MYO3B: variants seen among roughly 807,000 people sequenced by gnomAD.
MYO3B encodes the protein myosin IIIB.
A neutral mutation model predicts 174.6 loss-of-function variants in MYO3B; 156 were observed. That is an observed-to-expected ratio of 0.89 (90% CI 0.78 to 1.02). The LOEUF is 1.02. Among genes scored for constraint, MYO3B ranks in the 50% least tolerant of loss-of-function variants. MYO3B has a pLI of 0.00. For missense variants in MYO3B, 1,632 were observed against 1,639.4 expected, an observed-to-expected ratio of 1.00 and a Z score of 0.08; for synonymous variants, 563 against 569.1, an observed-to-expected ratio of 0.99 and a Z score of 0.15.
intron 30 of MYO3B, among the ~76,000 whole-genome samples, chr2:170,537,805 A>C (rs1689820276): frequency 6.6e-6 from 1 of 152,188 alleles, no homozygotes; most frequent in Non-Finnish European, 1.5e-5. Flanking sequence ...TTACTTGGCT[A>C]TGCTGATTGC....
chr2:170,388,463 A>T (rs2094391149), intron 14 of MYO3B, among the ~76,000 whole-genome samples: 1 of 152,140 alleles, frequency 6.6e-6, no homozygotes, highest in Non-Finnish European at 1.5e-5. Flanking sequence ...GACCAGAGCA[A>T]GGAGGAAAAG....
intron 32 of MYO3B, among the ~76,000 whole-genome samples, chr2:170,594,837 A>G (rs1694042876): frequency 7.8e-6 from 1 of 128,168 alleles, no homozygotes; most frequent in African/African-American, 4.4e-5. Context: ...GCACACACAC[A>G]CACACACACA....
chr2:170,636,957 C>CGTGTGT (rs3047156), intron 32 of MYO3B, among the ~76,000 whole-genome samples: 18,340 of 146,544 alleles, frequency 0.13, 1,227 homozygotes, highest in Admixed American at 0.17. Context: ...TGCTTTTGTG[C>CGTGTGT]GTGTGTGTGT....
chr2:170,197,111 G>C (rs1574560777), intron 1 of MYO3B, among the ~76,000 whole-genome samples: 2 of 151,708 alleles, frequency 1.3e-5, no homozygotes, highest in East Asian at 3.9e-4. Context: ...CAGAGCAAGA[G>C]GACAGCTTCA....
chr2:170,579,300 C>T (rs12475237), intron 32 of MYO3B, among the ~76,000 whole-genome samples: 55,279 of 150,876 alleles, frequency 0.37, 10,898 homozygotes, highest in Admixed American at 0.43. Flanking sequence ...ATATTATAAA[C>T]GAAATATAAT....
At chr2:170,606,950 G>T (rs1397458688) in intron 32 of MYO3B, among the ~76,000 whole-genome samples, 1 of 152,140 alleles carries the variant, frequency 6.6e-6, no homozygotes, top group Non-Finnish European at 1.5e-5. Context: ...AACCCAGGAG[G>T]CGGAGGTTGC....
At chr2:170,178,503 T>C (rs192411575) in intron 1 of MYO3B, among the ~76,000 whole-genome samples, 1 of 151,758 alleles carries the variant, frequency 6.6e-6, no homozygotes, top group Admixed American at 6.6e-5. Flanking sequence ...CTTGAAGGAG[T>C]AGGATAAACA....
intron 9 of MYO3B, among the ~76,000 whole-genome samples, chr2:170,371,990 G>T (rs1354620126): frequency 6.6e-6 from 1 of 150,564 alleles, no homozygotes; most frequent in Non-Finnish European, 1.5e-5. Flanking sequence ...AGCCGTGCAT[G>T]GTGGCACATG....
intron 32 of MYO3B, among the ~76,000 whole-genome samples, chr2:170,637,389 T>TC (rs1369977928): frequency 6.6e-6 from 1 of 152,040 alleles, no homozygotes; most frequent in Non-Finnish European, 1.5e-5. Context: ...GACAGGCTGG[T>TC]CTTAAACTCC....
At chr2:170,390,651 CA>C (rs1474467951) in intron 14 of MYO3B, among the ~76,000 whole-genome samples, 1 of 151,982 alleles carries the variant, frequency 6.6e-6, no homozygotes, top group Non-Finnish European at 1.5e-5. Flanking sequence ...CTAGGTTGAC[CA>C]AAGAAAAGAT....
intron 8 of MYO3B, chr2:170,338,143 A>T (rs1294081019): frequency 6.6e-6 from 1 of 152,206 alleles, no homozygotes; most frequent in Non-Finnish European, 1.5e-5. Flanking sequence ...ACTCATTCTG[A>T]GTTGCAAAAG....
chr2:170,250,479 G>T (rs993358540), intron 7 of MYO3B, among the ~76,000 whole-genome samples: 5 of 152,182 alleles, frequency 3.3e-5, no homozygotes, highest in Non-Finnish European at 7.3e-5. Context: ...TTTCTGTCCG[G>T]TTGCTGCTGC....
At position 170,404,248 on chromosome 2, in the gene MYO3B, T is replaced by G; in HGVS notation, c.2279T>G (p.Met760Arg). The G allele has an allele frequency of 6.2e-7, 1 of 1,601,234 alleles. No individual in the cohort carries two copies. The highest frequency in any genetic ancestry group is 1.3e-5 in the African/African-American group (1 of 74,576). Reference protein sequence around the residue: ...FNQHVFALEQMEYQNEGIDAV... With the variant: ...FNQHVFALEQREYQNEGIDAV... ...GAATCACAATCCATTTCCCTCCAGA[T>G]GGAATATCAGAATGAAGGCATTGAT... The change falls in exon 20 of 35, where the codon ATG becomes AGG. Residue 760 changes from methionine (M) to arginine (R), a missense_variant and splice_region_variant. Transcript: ENST00000408978.
At chr2:170,284,976 A>G (rs182753531) in intron 7 of MYO3B, among the ~76,000 whole-genome samples, 2 of 152,226 alleles carry the variant, frequency 1.3e-5, no homozygotes, top group African/African-American at 4.8e-5. Context: ...ATCCAATTGC[A>G]TCTTGCTTTT....
intron 32 of MYO3B, among the ~76,000 whole-genome samples, chr2:170,547,262 G>C (rs113341625): frequency 6.6e-6 from 1 of 151,296 alleles, no homozygotes; most frequent in Non-Finnish European, 1.5e-5. Flanking sequence ...CCTGGGAGGC[G>C]GAGCTTGCAG....
chr2:170,446,805 A>C (rs1006003954), intron 23 of MYO3B, among the ~76,000 whole-genome samples: 1 of 152,204 alleles, frequency 6.6e-6, no homozygotes, highest in African/African-American at 2.4e-5. Flanking sequence ...AAAGCCTACA[A>C]ATTTATTTAA....
intron 32 of MYO3B, among the ~76,000 whole-genome samples, chr2:170,544,948 C>G (rs115207750): frequency 3.6e-4 from 55 of 152,238 alleles, no homozygotes; most frequent in Admixed American, 2.8e-3. Flanking sequence ...AGGGGAAAAA[C>G]AGTATAATGG....
chr2:170,398,228 G>GAAAAA (rs34432719), intron 16 of MYO3B, among the ~76,000 whole-genome samples: 5 of 87,954 alleles, frequency 5.7e-5, no homozygotes, highest in Admixed American at 1.4e-4. Context: ...TGTCTCAAAA[G>GAAAAA]AAAAAAAAAA....
At chr2:170,365,855 G>A (rs1462198184) in intron 8 of MYO3B, among the ~76,000 whole-genome samples, 1 of 152,122 alleles carries the variant, frequency 6.6e-6, no homozygotes, top group Non-Finnish European at 1.5e-5. Context: ...CTGTATGGCA[G>A]TTGCACCTGA....
Sources: gnomAD v4.1 joint callset for allele counts (sites outside exome capture counted in the v4.1 genomes callset) on GRCh38, gnomAD v4.1.1 for gene constraint, MANE v1.5 for transcripts, NCBI Gene and HGNC (gene_info 2026-07-23, HGNC 2026-07-21) for gene names.